The following ASPRV1 variants were observed in gnomAD, a reference collection of about 807,000 sequenced individuals.
The protein encoded by ASPRV1 is retroviral-like aspartic protease 1.
Under a neutral mutation model 11.0 loss-of-function variants are expected in ASPRV1, and 7 were observed. That is an observed-to-expected ratio of 0.64 (90% CI 0.36 to 1.20). The LOEUF is 1.20. ASPRV1 is among the 50% of genes most tolerant of loss of function. ASPRV1 has a pLI of 0.02. For missense variants in ASPRV1, 299 were observed against 320.0 expected, an observed-to-expected ratio of 0.93 and a Z score of 0.50; for synonymous variants, 136 against 138.4, an observed-to-expected ratio of 0.98 and a Z score of 0.12.
chr2:70,036,482 A>G, the ASPRV1 span, among the ~76,000 whole-genome samples: 1 of 152,206 alleles, frequency 6.6e-6, no homozygotes, highest in Admixed American at 6.5e-5. Context: ...ACTTTATAGA[A>G]TAAGTGCTGA....
the ASPRV1 span, chr2:69,938,071 G>T: frequency 5.6e-6 from 9 of 1,607,890 alleles, no homozygotes; most frequent in East Asian, 2.0e-4. Context: ...TTTCATCAAT[G>T]TCCTTCTCTC....
the ASPRV1 span, among the ~76,000 whole-genome samples, chr2:69,954,450 T>A: frequency 2.6e-5 from 4 of 152,204 alleles, no homozygotes; most frequent in East Asian, 7.7e-4. Flanking sequence ...GAGGTGGTGG[T>A]TGTTTCCTCC....
At chr2:70,013,738 G>C in the ASPRV1 span, among the ~76,000 whole-genome samples, 1 of 152,086 alleles carries the variant, frequency 6.6e-6, no homozygotes, top group East Asian at 1.9e-4. Flanking sequence ...AAAATTAGCC[G>C]GGTGTGGTGG....
the ASPRV1 span, among the ~76,000 whole-genome samples, chr2:70,034,570 CAAAA>C: frequency 3.5e-5 from 3 of 85,074 alleles, no homozygotes; most frequent in African/African-American, 1.2e-4. Flanking sequence ...GACTTTGTCT[CAAAA>C]AAAAAAAAAA....
the ASPRV1 span, among the ~76,000 whole-genome samples, chr2:70,076,073 T>C: frequency 8.6e-5 from 13 of 150,372 alleles, no homozygotes; most frequent in South Asian, 2.2e-4. Context: ...CTATCATTCA[T>C]GTCTTTGGAT....
At chr2:69,967,990 G>A in the ASPRV1 span, among the ~76,000 whole-genome samples, 2 of 152,156 alleles carry the variant, frequency 1.3e-5, no homozygotes, top group Non-Finnish European at 2.9e-5. Flanking sequence ...GTTGAGGCAG[G>A]AGAATTGCTT....
At chr2:70,017,001 T>A in the ASPRV1 span, among the ~76,000 whole-genome samples, 1 of 151,360 alleles carries the variant, frequency 6.6e-6, no homozygotes, top group Non-Finnish European at 1.5e-5. Context: ...TCATCTCAAT[T>A]TTTTTTTTAC....
chr2:70,084,192 GGAAA>G, the ASPRV1 span, among the ~76,000 whole-genome samples: 1 of 151,964 alleles, frequency 6.6e-6, no homozygotes, highest in Non-Finnish European at 1.5e-5. Flanking sequence ...AGGTAGTCTT[GGAAA>G]GAAAGACCTG....
chr2:69,967,427 A>G, the ASPRV1 span, among the ~76,000 whole-genome samples: 55 of 152,358 alleles, frequency 3.6e-4, no homozygotes, highest in African/African-American at 1.3e-3. Context: ...GAAACCAGGG[A>G]ACAAGGGCAT....
chr2:70,035,866 C>T, the ASPRV1 span, among the ~76,000 whole-genome samples: 2 of 151,320 alleles, frequency 1.3e-5, no homozygotes, highest in African/African-American at 4.9e-5. Context: ...AATGACTTCA[C>T]AAAATTTTTT....
chr2:69,988,937 T>C, the ASPRV1 span: 2 of 328,636 alleles, frequency 6.1e-6, no homozygotes, highest in Non-Finnish European at 1.2e-5. Context: ...ATTTTGAGTG[T>C]ATTCTGATAA....
the ASPRV1 span, among the ~76,000 whole-genome samples, chr2:70,060,530 T>A: frequency 5.3e-5 from 8 of 151,876 alleles, no homozygotes; most frequent in African/African-American, 1.9e-4. Context: ...TTGGGCATAG[T>A]CGCCGGGCAC....
chr2:69,937,244 G>T, the ASPRV1 span: 3 of 1,613,812 alleles, frequency 1.9e-6, no homozygotes, highest in East Asian at 4.5e-5. Context: ...GAAACTTGAA[G>T]ATTGTGACAG....
chr2:69,999,232 A>G, the ASPRV1 span, among the ~76,000 whole-genome samples: 2 of 152,090 alleles, frequency 1.3e-5, no homozygotes, highest in African/African-American at 2.4e-5. Context: ...TCCGCCTCCC[A>G]GGTAGCTGGG....
chr2:69,951,278 G>T, the ASPRV1 span, among the ~76,000 whole-genome samples: 65 of 151,924 alleles, frequency 4.3e-4, no homozygotes, highest in African/African-American at 1.5e-3. Context: ...ACAAAAATTA[G>T]CTGGGCATGG....
the ASPRV1 span, among the ~76,000 whole-genome samples, chr2:69,947,411 T>A: frequency 6.6e-6 from 1 of 152,162 alleles, no homozygotes; most frequent in African/African-American, 2.4e-5. Flanking sequence ...ATGCAACAGA[T>A]CATCTTTCTC....
At chr2:70,042,712 AG>A in the ASPRV1 span, among the ~76,000 whole-genome samples, 1 of 152,058 alleles carries the variant, frequency 6.6e-6, no homozygotes, top group Non-Finnish European at 1.5e-5. Context: ...GCAGGGGTTG[AG>A]GGGAGAGGAA....
chr2:70,007,320 C>A, the ASPRV1 span, among the ~76,000 whole-genome samples: 13 of 152,006 alleles, frequency 8.6e-5, no homozygotes, highest in Admixed American at 6.5e-4. Flanking sequence ...GAGTCCTAGA[C>A]CAGCCTAACC....
chr2:69,987,111 G>C, the ASPRV1 span, among the ~76,000 whole-genome samples: 1 of 152,282 alleles, frequency 6.6e-6, no homozygotes. Context: ...CAGCCGGAAC[G>C]AAGATGCAGG....
Sources: allele counts gnomAD v4.1 joint callset (sites outside exome capture counted in the v4.1 genomes callset), GRCh38; gene constraint gnomAD v4.1.1; transcripts MANE v1.5; gene names NCBI Gene and HGNC (gene_info 2026-07-23, HGNC 2026-07-21).